MCF2L: variants seen among roughly 807,000 people sequenced by gnomAD.
The protein encoded by MCF2L is MCF.2 cell line derived transforming sequence like.
A neutral mutation model predicts 153.4 loss-of-function variants in MCF2L; 97 were observed. The observed-to-expected ratio is 0.63, with a 90% confidence interval of 0.54 to 0.75. The LOEUF (loss-of-function observed/expected upper bound fraction) is 0.75. MCF2L is among the 30% of genes least tolerant of loss of function. The pLI, the probability that MCF2L is intolerant of heterozygous loss-of-function variation, is 0.00. For synonymous variants in MCF2L, 659 were observed against 632.2 expected (o/e 1.04, Z -0.64); for missense variants, 1,347 against 1,495.2 (o/e 0.90, Z 1.64).
rs947752756 is a variant in MCF2L at position 112,983,119 on chromosome 13, C to T, written c.79+13661C>T. On this transcript the variant is annotated intron_variant, in intron 1 of 29. Coordinates refer to ENST00000535094, the MANE Select transcript of MCF2L (RefSeq NM_001112732.3). The surrounding 1 kb of genome is among the most constrained non-coding windows in gnomAD (Gnocchi z 4.0). ...TGAGGTGAGGTTCAGGTGCGGCCCA[C>T]GGGCTGTGGCAGGGACGCAGCACTC... 6.6e-6 allele frequency among the ~76,000 whole-genome samples: 1 copy of T among 151,876 alleles called. No homozygotes were observed. Among genetic ancestry groups the T allele is most frequent in the African/African-American group, 2.4e-5 (1 of 41,312 alleles).
Position 113,097,282 on chromosome 13 carries a change from T to G in MCF2L, c.*423T>G. 5.9e-6 allele frequency: 1 copy of G among 169,606 alleles called. No individual in the cohort carries two copies. 10.5% of individuals were successfully genotyped at this position (169,606 alleles called of 1,614,324 possible). On this transcript the variant is annotated 3_prime_UTR_variant, in exon 30 of 30. Coordinates refer to ENST00000535094, the MANE Select transcript of MCF2L (RefSeq NM_001112732.3). ...TCTTTAGCTTTTACAAGTTTTAGGA[T>G]TTTTTCAAGCAGGGATCAATCCCGT...
At chr13:113,014,251 G>A (rs1247670880) in intron 1 of MCF2L, among the ~76,000 whole-genome samples, 4 of 152,218 alleles carry the variant, frequency 2.6e-5, no homozygotes, top group Non-Finnish European at 5.9e-5. Context: ...TAATGGCGAG[G>A]CCAGGGTTGT....
rs1413524352 is a variant in MCF2L at position 113,092,772 on chromosome 13, G to A, written c.2954-1742G>A. On this transcript the variant is annotated intron_variant, in intron 26 of 29. Transcript: ENST00000535094. ...GTTCCCATCATGGTCAGACCTCTGC[G>A]TTTTGCTGTTGGCCTCCCCCGCGCC... Among the ~76,000 whole-genome samples, 15 of 142,098 alleles carry A rather than the reference G, an allele frequency of 1.1e-4. No individual in the cohort carries two copies. The South Asian group carries it at 1.4e-3, about 13-fold the overall frequency. 93.2% of individuals were successfully genotyped at this position (142,098 alleles called of 152,430 possible).
At chr13:113,092,984 C>A (rs1320200816) in intron 26 of MCF2L, among the ~76,000 whole-genome samples, 1 of 152,260 alleles carries the variant, frequency 6.6e-6, no homozygotes, top group Non-Finnish European at 1.5e-5. Flanking sequence ...AGGTCCTGCC[C>A]ACGCCACACC....
chr13:113,032,188 G>A (rs1221699532), intron 3 of MCF2L, among the ~76,000 whole-genome samples: 1 of 152,196 alleles, frequency 6.6e-6, no homozygotes, highest in Non-Finnish European at 1.5e-5. Context: ...GCGGTGACCT[G>A]AGCACCCTGT....
At chr13:112,903,732 A>G (rs1036886933) in intron 2 of MCF2L, among the ~76,000 whole-genome samples, 5 of 152,166 alleles carry the variant, frequency 3.3e-5, no homozygotes, top group Non-Finnish European at 7.4e-5. Flanking sequence ...AGAGGTGAGG[A>G]CTGAGCCTCT....
At chr13:113,026,972 A>G (rs758880770) in intron 3 of MCF2L, 2 of 778,606 alleles carry the variant, frequency 2.6e-6, no homozygotes, top group South Asian at 1.3e-5. Flanking sequence ...CTCCAGGAAG[A>G]TGCTGAGAAT....
chr13:113,006,696 A>G (rs1402064304), intron 1 of MCF2L, among the ~76,000 whole-genome samples: 2 of 152,116 alleles, frequency 1.3e-5, no homozygotes. Context: ...GGGAGACACT[A>G]AGGTGTTGAA....
At position 113,085,203 on chromosome 13, in the gene MCF2L, C is replaced by T. The variant is rs1010215984; in HGVS notation, c.2247+25C>T. ...GGTGGGCTCCGCGGTGACCGTGGCC[C>T]GGCCTCCCCAGCACCTGCTGGCCAG... On this transcript the variant is annotated intron_variant, in intron 20 of 29. Coordinates refer to ENST00000535094, the MANE Select transcript of MCF2L (RefSeq NM_001112732.3). The T allele has an allele frequency of 1.1e-5, 18 of 1,606,204 alleles. No individual in the cohort carries two copies. The Admixed American group carries it at 1.5e-4, about 13-fold the overall frequency.
chr13:112,965,955 C>T (rs2081888728), upstream of MCF2L: 1 of 152,258 alleles, frequency 6.6e-6, no homozygotes, highest in Admixed American at 6.5e-5. Flanking sequence ...CACGACACTA[C>T]AGGCGTCCCC....
At chr13:113,089,874 G>A (rs118025196) in intron 26 of MCF2L, 146 bp downstream of exon 26, 163 of 1,612,856 alleles carry the variant, frequency 1.0e-4, no homozygotes, top group Non-Finnish European at 1.3e-4. Context: ...CCTCTTAACA[G>A]AGCCCTAGGA....
intron 3 of MCF2L, among the ~76,000 whole-genome samples, chr13:113,030,638 G>A (rs970570638): frequency 1.3e-5 from 2 of 152,182 alleles, no homozygotes; most frequent in Non-Finnish European, 1.5e-5. Context: ...GGTGTCTGCC[G>A]ACACAGGTGT....
chr13:113,093,782 A>G (rs980839775), intron 26 of MCF2L: 3 of 152,292 alleles, frequency 2.0e-5, no homozygotes, highest in African/African-American at 7.2e-5. Context: ...TTGCGTGTTT[A>G]TTTAGCCCCA....
intron 1 of MCF2L, among the ~76,000 whole-genome samples, chr13:113,011,159 G>A (rs1392940607): frequency 1.3e-5 from 2 of 152,204 alleles, no homozygotes; most frequent in Non-Finnish European, 2.9e-5. Context: ...ACTCTGGTGT[G>A]GGTCAGAGAG....
chr13:112,895,095 G>T (rs2081053674), intron 1 of MCF2L, among the ~76,000 whole-genome samples: 1 of 152,198 alleles, frequency 6.6e-6, no homozygotes, highest in Admixed American at 6.5e-5. Context: ...CCTCCTGGGA[G>T]CTCCTTTTGA....
intron 1 of MCF2L, among the ~76,000 whole-genome samples, chr13:112,975,243 G>A (rs2082175020): frequency 1.3e-5 from 2 of 152,334 alleles, no homozygotes; most frequent in East Asian, 3.9e-4. Flanking sequence ...GCGAAGTACT[G>A]AAGTTAGAAT....
intron 2 of MCF2L, among the ~76,000 whole-genome samples, chr13:112,905,720 T>A (rs1189534684): frequency 6.6e-6 from 1 of 152,226 alleles, no homozygotes. Context: ...CACAATTTCC[T>A]TCCTTTTTAA....
intron 17 of MCF2L, among the ~76,000 whole-genome samples, chr13:113,083,598 G>A (rs1421028671): frequency 6.6e-6 from 1 of 152,232 alleles, no homozygotes. Context: ...GAGCCTGGGG[G>A]CGGCGCTGCC....
chr13:112,974,614 G>T (rs2082155500), intron 1 of MCF2L, among the ~76,000 whole-genome samples: 2 of 152,248 alleles, frequency 1.3e-5, no homozygotes, highest in South Asian at 4.2e-4. Flanking sequence ...GACCTTCAGG[G>T]ACTAGTAAAT....
Sources: gnomAD v4.1 joint callset for allele counts (sites outside exome capture counted in the v4.1 genomes callset) on GRCh38, gnomAD v4.1.1 for gene constraint, Gnocchi (gnomAD v3.1) non-coding constraint, MANE v1.5 for transcripts, NCBI Gene and HGNC (gene_info 2026-07-23, HGNC 2026-07-21) for gene names.